The following ANGPT2 variants were observed in gnomAD, a reference collection of about 807,000 sequenced individuals.
ANGPT2 encodes angiopoietin-2.
A neutral mutation model predicts 62.9 loss-of-function variants in ANGPT2; 28 were observed. The observed-to-expected ratio is 0.44, with a 90% CI of 0.33 to 0.61. The LOEUF (loss-of-function observed/expected upper bound fraction) is 0.61. Among genes scored for constraint, ANGPT2 ranks in the 20% least tolerant of loss-of-function variants. ANGPT2 has a pLI of 0.03. For synonymous variants in ANGPT2, 284 were observed against 207.8 expected (o/e 1.37, Z -3.15); for missense variants, 727 against 594.9 (o/e 1.22, Z -2.31).
intron 1 of ANGPT2, among the ~76,000 whole-genome samples, chr8:6,541,442 A>G (rs1226496234): frequency 6.6e-6 from 1 of 152,126 alleles, no homozygotes; most frequent in African/African-American, 2.4e-5. Flanking sequence ...TCTGAGAAAG[A>G]CAATATTTCT....
chr8:6,522,199 C>G (rs1563338857), intron 3 of ANGPT2, among the ~76,000 whole-genome samples: 2 of 151,870 alleles, frequency 1.3e-5, no homozygotes, highest in African/African-American at 4.8e-5. Context: ...ACTAAAAATA[C>G]AAAAAATTCT....
At position 6,509,065 on chromosome 8, in the gene ANGPT2, G is replaced by T. The variant is rs751246901; in HGVS notation, c.1197-3C>A. 1.4e-5 allele frequency: 23 copies of T among 1,612,444 alleles called. No individual in the cohort carries two copies. The highest frequency in any genetic ancestry group is 2.0e-5 in the Non-Finnish European group (23 of 1,179,222). On this transcript the variant is annotated splice_polypyrimidine_tract_variant and splice_region_variant and intron_variant, in intron 7 of 8. Transcript: ENST00000629816. ...CTGTAAGTCCTTTAAGGTGAATCCT[G>T]TAAGCGTGCAAAGAAAAAAAACACA...
intron 2 of ANGPT2, 40 bp downstream of exon 2, chr8:6,532,292 A>G (rs772464265): frequency 1.2e-6 from 2 of 1,612,992 alleles, no homozygotes; most frequent in African/African-American, 1.3e-5. Flanking sequence ...GCTAGTCTCT[A>G]GCTGCAGGGA....
Position 6,521,160 on chromosome 8 carries a change from C to A in ANGPT2, c.799+18G>T, listed in dbSNP as rs1170374677. The A allele has an allele frequency of 3.1e-6, 5 of 1,599,394 alleles. No homozygotes were observed. In the African/African-American group the frequency reaches 5.4e-5, roughly 17 times the overall value. ...TAAAGGTTATTAACGCTGAAGAAAG[C>A]ATGATATGTAAACTTACAGTTTGAT... On this transcript the variant is annotated intron_variant, in intron 4 of 8. Transcript: ENST00000629816.
chr8:6,506,028 C>A (rs61619167), intron 8 of ANGPT2, among the ~76,000 whole-genome samples: 1 of 124,372 alleles, frequency 8.0e-6, no homozygotes, highest in African/African-American at 3.4e-5. Context: ...TATATAAAAA[C>A]ATATATATAT....
At chr8:6,520,724 A>G (rs1243941542) in intron 4 of ANGPT2, among the ~76,000 whole-genome samples, 2 of 152,234 alleles carry the variant, frequency 1.3e-5, no homozygotes, top group Admixed American at 1.3e-4. Flanking sequence ...GAGACGCTGC[A>G]AAGTGAAACA....
At chr8:6,510,818 C>A (rs1383985193) in intron 7 of ANGPT2, among the ~76,000 whole-genome samples, 1 of 152,170 alleles carries the variant, frequency 6.6e-6, no homozygotes, top group Non-Finnish European at 1.5e-5. Context: ...TAAGTGACTT[C>A]AGTATTAAGG....
At chr8:6,550,388 A>G (rs919483447) in intron 1 of ANGPT2, among the ~76,000 whole-genome samples, 1 of 152,212 alleles carries the variant, frequency 6.6e-6, no homozygotes, top group African/African-American at 2.4e-5. Flanking sequence ...CTGCACCCAG[A>G]CACGTGCGGT....
At chr8:6,532,599 A>G in intron 1 of ANGPT2, 112 bp from the exon 2 acceptor site, 1 of 777,326 alleles carries the variant, frequency 1.3e-6, no homozygotes, top group Non-Finnish European at 1.8e-6. Context: ...AAAATCTATC[A>G]AAAGACTTGT....
chr8:6,514,606 G>C lies in ANGPT2; in HGVS notation c.1029+71C>G. 5 of 1,360,338 alleles carry C rather than the reference G, an allele frequency of 3.7e-6. No individual in the cohort carries two copies. The East Asian group carries it at 1.2e-4, about 31-fold the overall frequency. 84.3% of individuals were successfully genotyped at this position (1,360,338 alleles called of 1,614,324 possible). On this transcript the variant is annotated intron_variant, in intron 6 of 8. Transcript: ENST00000629816. ...TGGTTAGTTTGGGATTGGTGGTTAA[G>C]GTTCCGCAGATCTTGAAAGCTATTT...
At chr8:6,531,947 T>C (rs1463384292) in intron 2 of ANGPT2, among the ~76,000 whole-genome samples, 1 of 152,188 alleles carries the variant, frequency 6.6e-6, no homozygotes, top group Non-Finnish European at 1.5e-5. Flanking sequence ...TTTCTAGCTC[T>C]TTGCCTCAGT....
At chr8:6,537,407 C>T (rs899394297) in intron 1 of ANGPT2, among the ~76,000 whole-genome samples, 5 of 151,976 alleles carry the variant, frequency 3.3e-5, no homozygotes, top group Admixed American at 1.3e-4. Flanking sequence ...ACATTGAGGG[C>T]CACAGTGATC....
At position 6,519,990 on chromosome 8, in the gene ANGPT2, A is replaced by C; in HGVS notation, c.801T>G (p.Ser267=). 1 of 1,613,382 alleles carries C rather than the reference A, an allele frequency of 6.2e-7. No homozygotes were observed. The highest frequency in any genetic ancestry group is 8.5e-7 in the Non-Finnish European group (1 of 1,179,716). Residue 267 remains serine, a splice_region_variant and synonymous_variant, in exon 5 of 9, where the codon TCT becomes TCG. Transcript: ENST00000629816. ...CTTCTTTAGCAACAGTGGGGTCCTT[A>C]GCTGCTTTTAAAAAATAGTAAGGCA... The part of the protein sequence containing the change: ...NLLTMMSTSN[S]KDPTVAKEEQ...
intron 3 of ANGPT2, among the ~76,000 whole-genome samples, chr8:6,525,215 C>G (rs1053545835): frequency 6.6e-6 from 1 of 152,142 alleles, no homozygotes; most frequent in Non-Finnish European, 1.5e-5. Context: ...ATTAGATATT[C>G]AATTGTAGCT....
chr8:6,552,014 A>T (rs188760335), intron 1 of ANGPT2, among the ~76,000 whole-genome samples: 2 of 152,208 alleles, frequency 1.3e-5, no homozygotes, highest in African/African-American at 4.8e-5. Context: ...GATGACCAAG[A>T]ATTGATATCA....
Position 6,529,730 on chromosome 8 carries a change from G to A in ANGPT2, c.445-2054C>T, listed in dbSNP as rs557934940. The stretch of plus-strand genomic sequence containing the variant: ...TCCACCCACCTCGGCCTCTCAAAGT[G>A]CTAGGATTATAGATCTGAGCAAGCG... On this transcript the variant is annotated intron_variant, in intron 2 of 8. Coordinates refer to ENST00000629816, the MANE Select transcript of ANGPT2 (RefSeq NM_001118887.2). Among the ~76,000 whole-genome samples, 4 of 150,702 alleles carry A rather than the reference G, an allele frequency of 2.7e-5. No individual in the cohort carries two copies. The South Asian group carries it at 8.4e-4, about 32-fold the overall frequency.
intron 7 of ANGPT2, among the ~76,000 whole-genome samples, chr8:6,510,485 G>C (rs1360560986): frequency 6.6e-6 from 1 of 152,226 alleles, no homozygotes; most frequent in Non-Finnish European, 1.5e-5. Flanking sequence ...ATACAAAGAA[G>C]AGAGAAAATG....
intron 1 of ANGPT2, among the ~76,000 whole-genome samples, chr8:6,551,086 T>A (rs996429567): frequency 1.3e-5 from 2 of 152,210 alleles, no homozygotes; most frequent in African/African-American, 4.8e-5. Context: ...GGGATTTCCT[T>A]GGGTGCTTAC....
intron 1 of ANGPT2, among the ~76,000 whole-genome samples, chr8:6,540,575 A>G (rs898458787): frequency 4.6e-5 from 7 of 152,246 alleles, no homozygotes; most frequent in Non-Finnish European, 1.5e-5. Context: ...GAGCAAATAC[A>G]GTGCAACAGA....
Sources: allele counts gnomAD v4.1 joint callset (sites outside exome capture counted in the v4.1 genomes callset), GRCh38; gene constraint gnomAD v4.1.1; transcripts MANE v1.5; gene names NCBI Gene and HGNC (gene_info 2026-07-23, HGNC 2026-07-21).